NTM: variants seen among roughly 807,000 people sequenced by gnomAD.
NTM encodes the protein neurotrimin, also known as IgLON family member 2.
A neutral mutation model predicts 42.1 loss-of-function variants in NTM; 13 were observed. That is an observed-to-expected ratio of 0.31 (90% CI 0.20 to 0.49). NTM has a LOEUF of 0.49. Among genes scored for constraint, NTM ranks in the 20% least tolerant of loss-of-function variants. The probability of loss-of-function intolerance (pLI) is 0.99; values close to 1 mark genes in which losing one functional copy is unlikely to be tolerated. For synonymous variants in NTM, 187 were observed against 179.2 expected, an observed-to-expected ratio of 1.04 and a Z score of -0.35; for missense variants, 373 against 452.8, an observed-to-expected ratio of 0.82 and a Z score of 1.60.
chr11:131,556,961 T>G (rs900939562), intron 1 of NTM, among the ~76,000 whole-genome samples: 1 of 152,170 alleles, frequency 6.6e-6, no homozygotes, highest in Non-Finnish European at 1.5e-5. Context: ...GACAGAAACC[T>G]AATGATAGGT....
intron 2 of NTM, among the ~76,000 whole-genome samples, chr11:132,084,842 C>A (rs942243430): frequency 1.1e-4 from 16 of 146,136 alleles, no homozygotes; most frequent in African/African-American, 3.8e-4. Context: ...CCAAATTTTA[C>A]CCTTGCATTA....
chr11:132,163,731 AGTT>A (rs1285569165), intron 3 of NTM, among the ~76,000 whole-genome samples: 5 of 152,200 alleles, frequency 3.3e-5, no homozygotes, highest in Admixed American at 2.0e-4. Context: ...CATGGGCTCA[AGTT>A]GTTGTAGAGA....
At chr11:131,889,913 C>T (rs1451332220) in intron 1 of NTM, among the ~76,000 whole-genome samples, 1 of 152,148 alleles carries the variant, frequency 6.6e-6, no homozygotes, top group Non-Finnish European at 1.5e-5. Context: ...CTCCCTCCAC[C>T]TTCAGAAACT....
intron 1 of NTM, chr11:131,660,838 T>C: frequency 8.2e-7 from 1 of 1,220,290 alleles, no homozygotes; most frequent in Non-Finnish European, 1.1e-6. Context: ...ATTCACTCAT[T>C]GTTACAGTTT....
At chr11:131,999,974 CT>C (rs1448375311) in intron 2 of NTM, among the ~76,000 whole-genome samples, 1 of 152,122 alleles carries the variant, frequency 6.6e-6, no homozygotes, top group East Asian at 1.9e-4. Context: ...TCTAACATGA[CT>C]TTTTTTCTTT....
At chr11:132,284,566 G>A (rs2139894608) in intron 4 of NTM, among the ~76,000 whole-genome samples, 1 of 151,666 alleles carries the variant, frequency 6.6e-6, no homozygotes, top group South Asian at 2.1e-4. Context: ...GTGATACTGG[G>A]ACCCTGCTTC....
intron 2 of NTM, among the ~76,000 whole-genome samples, chr11:131,916,832 G>C (rs764225082): frequency 6.6e-6 from 1 of 152,138 alleles, no homozygotes; most frequent in Non-Finnish European, 1.5e-5. Flanking sequence ...CTCTGTTGTG[G>C]ACACCCATAA....
At chr11:131,967,124 A>T (rs1162059383) in intron 2 of NTM, among the ~76,000 whole-genome samples, 1 of 152,212 alleles carries the variant, frequency 6.6e-6, no homozygotes, top group African/African-American at 2.4e-5. Context: ...AGTGTTAGAC[A>T]TAAAAGCGGA....
chr11:131,738,349 A>G (rs780128417), intron 1 of NTM, among the ~76,000 whole-genome samples: 3 of 152,248 alleles, frequency 2.0e-5, no homozygotes, highest in Non-Finnish European at 4.4e-5. Flanking sequence ...TTTAAGTGTC[A>G]GACACAAGAA....
rs58419745 is a variant in NTM, at chr11:131,933,364, A to G, written c.167+21716A>G. On this transcript the variant is annotated intron_variant, in intron 2 of 8. Coordinates refer to ENST00000683400, the MANE Select transcript of NTM (RefSeq NM_001352005.2). ...TTGTAAGGTGCTTCCATCAAAAATG[A>G]GACTATTGTTTTCCAAACACCTTGT... Among the ~76,000 whole-genome samples the G allele has an allele frequency of 5.2e-3, 790 of 152,294 alleles. 8 individuals are homozygous for G. Among genetic ancestry groups the G allele is most frequent in the African/African-American group, 0.018 (756 of 41,548 alleles).
intron 3 of NTM, among the ~76,000 whole-genome samples, chr11:132,187,685 ATC>A (rs1210951143): frequency 5.3e-5 from 8 of 152,164 alleles, no homozygotes; most frequent in Non-Finnish European, 1.2e-4. Context: ...GATTTGAGGC[ATC>A]TCTGGGCTTT....
intron 2 of NTM, among the ~76,000 whole-genome samples, chr11:132,108,923 C>T (rs774579104): frequency 3.9e-4 from 60 of 152,206 alleles, no homozygotes; most frequent in Non-Finnish European, 6.2e-4. Flanking sequence ...TCTCATTGTT[C>T]AACTCCCACT....
At chr11:131,396,090 C>A (rs1434510949) in intron 1 of NTM, among the ~76,000 whole-genome samples, 2 of 152,140 alleles carry the variant, frequency 1.3e-5, no homozygotes, top group African/African-American at 2.4e-5. Flanking sequence ...CACTCAAGGG[C>A]AGGCTCCAGA....
chr11:132,085,233 C>A (rs1004139213), intron 2 of NTM, among the ~76,000 whole-genome samples: 1 of 152,164 alleles, frequency 6.6e-6, no homozygotes, highest in Non-Finnish European at 1.5e-5. Context: ...ATACACCTTG[C>A]ATGTAAATGT....
At chr11:132,198,984 C>T (rs190873936) in intron 3 of NTM, among the ~76,000 whole-genome samples, 2 of 152,150 alleles carry the variant, frequency 1.3e-5, no homozygotes, top group African/African-American at 4.8e-5. Flanking sequence ...ACATGTAGAC[C>T]TGAAAAGCAA....
At chr11:131,723,144 ATCC>A (rs1437223706) in intron 1 of NTM, among the ~76,000 whole-genome samples, 1 of 152,196 alleles carries the variant, frequency 6.6e-6, no homozygotes, top group Non-Finnish European at 1.5e-5. Flanking sequence ...CAATACAAAA[ATCC>A]TCCTTCTGGA....
rs78698642 is a variant in NTM at position 131,793,198 on chromosome 11, T to A, written c.83-118366T>A. On this transcript the variant is annotated intron_variant, in intron 1 of 8. Transcript: ENST00000683400. ...TAGGGAGTCTGCTATGTTGGAAGAGTAATTTTCCTATTAGTAATAATGGTA... is the reference window on the plus strand; with the variant it reads ...TAGGGAGTCTGCTATGTTGGAAGAGAAATTTTCCTATTAGTAATAATGGTA... Among the ~76,000 whole-genome samples the A allele has an allele frequency of 3.4e-3, 518 of 152,272 alleles. 10 individuals are homozygous for A. The highest frequency in any genetic ancestry group is 0.032 in the East Asian group (166 of 5,180).
At chr11:131,619,689 G>A (rs972733600) in intron 1 of NTM, among the ~76,000 whole-genome samples, 2 of 152,092 alleles carry the variant, frequency 1.3e-5, no homozygotes, top group African/African-American at 4.8e-5. Flanking sequence ...GAGAGATAGA[G>A]CCAAATGGAA....
In NTM at chr11:131,724,766, G is replaced by C. The variant is rs182483993; in HGVS notation, c.83-186798G>C. Among the ~76,000 whole-genome samples the C allele has an allele frequency of 1.7e-3, 266 of 152,360 alleles. 1 individual carries two copies. Among genetic ancestry groups the C allele is most frequent in the African/African-American group, 6.2e-3 (259 of 41,580 alleles). ...TAGACCTCAGCTGTCATGCTGGGGT[G>C]CTGGATCTCGGGTGAAGGACAGATG... On this transcript the variant is annotated intron_variant, in intron 1 of 8. Transcript: ENST00000683400.
Sources: gnomAD v4.1 joint callset for allele counts (sites outside exome capture counted in the v4.1 genomes callset) on GRCh38, gnomAD v4.1.1 for gene constraint, MANE v1.5 for transcripts, NCBI Gene and HGNC (gene_info 2026-07-23, HGNC 2026-07-21) for gene names.